MAP2: variants seen among roughly 807,000 people sequenced by gnomAD.
MAP2 encodes the protein microtubule associated protein 2.
Under a neutral mutation model 137.6 loss-of-function variants are expected in MAP2, and 14 were observed. That is an observed-to-expected ratio of 0.10 (90% CI 0.07 to 0.16). MAP2 has a LOEUF of 0.16. Among genes scored for constraint, MAP2 ranks in the 10% least tolerant of loss-of-function variants. MAP2 has a pLI of 1.00. For synonymous variants in MAP2, 786 were observed against 782.3 expected (o/e 1.00, Z -0.08); for missense variants, 2,088 against 2,191.5 (o/e 0.95, Z 0.94).
intron 1 of MAP2, among the ~76,000 whole-genome samples, chr2:209,480,283 A>C (rs572833920): frequency 6.6e-6 from 1 of 152,122 alleles, no homozygotes; most frequent in Non-Finnish European, 1.5e-5. Flanking sequence ...TTAGTACTAT[A>C]CCCTTTAGCT....
chr2:209,631,553 C>T (rs749331977), intron 4 of MAP2, among the ~76,000 whole-genome samples: 44 of 151,712 alleles, frequency 2.9e-4, no homozygotes, highest in Non-Finnish European at 5.1e-4. Flanking sequence ...CCTTTTGTCC[C>T]TCAGGCTTCT....
chr2:209,610,815 C>T (rs1164647991), intron 3 of MAP2, among the ~76,000 whole-genome samples: 1 of 152,092 alleles, frequency 6.6e-6, no homozygotes, highest in East Asian at 1.9e-4. Context: ...CTCTAAATTC[C>T]AATTAGCTAA....
chr2:209,429,195 C>T (rs1028799021), intron 1 of MAP2, among the ~76,000 whole-genome samples: 7 of 152,066 alleles, frequency 4.6e-5, no homozygotes, highest in South Asian at 4.1e-4. Flanking sequence ...CCTCGTGATC[C>T]GCCCGCCTCA....
intron 2 of MAP2, among the ~76,000 whole-genome samples, chr2:209,542,288 G>T (rs1051837111): frequency 4.6e-5 from 7 of 152,200 alleles, no homozygotes; most frequent in African/African-American, 1.7e-4. Context: ...AAACAATCCT[G>T]TAAACAGATA....
At chr2:209,668,947 A>T (rs2047533904) in intron 5 of MAP2, among the ~76,000 whole-genome samples, 1 of 152,092 alleles carries the variant, frequency 6.6e-6, no homozygotes, top group South Asian at 2.1e-4. Context: ...AAACATGATT[A>T]TCTGATTATA....
intron 3 of MAP2, among the ~76,000 whole-genome samples, chr2:209,596,512 C>A (rs1308998825): frequency 1.3e-5 from 2 of 152,158 alleles, no homozygotes; most frequent in Non-Finnish European, 2.9e-5. Context: ...ACATGACATA[C>A]TTTAAATTCA....
intron 1 of MAP2, among the ~76,000 whole-genome samples, chr2:209,477,838 A>G (rs1231318654): frequency 2.0e-5 from 3 of 150,332 alleles, no homozygotes; most frequent in Admixed American, 6.6e-5. Context: ...TCTATACAAA[A>G]TATTAAAAAA....
At chr2:209,602,724 G>A (rs1383234754) in intron 3 of MAP2, among the ~76,000 whole-genome samples, 1 of 152,180 alleles carries the variant, frequency 6.6e-6, no homozygotes, top group South Asian at 2.1e-4. Context: ...AACGCTAGCG[G>A]ATTCTGAGCA....
intron 2 of MAP2, among the ~76,000 whole-genome samples, chr2:209,530,236 C>T (rs1485722442): frequency 6.6e-6 from 1 of 152,098 alleles, no homozygotes; most frequent in Admixed American, 6.6e-5. Context: ...CCTTTACACA[C>T]ATTTCTGACT....
chr2:209,500,629 T>A (rs2060259946), intron 1 of MAP2, among the ~76,000 whole-genome samples: 1 of 152,164 alleles, frequency 6.6e-6, no homozygotes, highest in Non-Finnish European at 1.5e-5. Flanking sequence ...GTCTTTTGGC[T>A]TTTTCACAAC....
At chr2:209,601,136 G>A (rs1025068946) in intron 3 of MAP2, among the ~76,000 whole-genome samples, 3 of 152,166 alleles carry the variant, frequency 2.0e-5, no homozygotes, top group African/African-American at 7.2e-5. Flanking sequence ...ACTTAGTCAA[G>A]TGCTAGGCAC....
intron 1 of MAP2, among the ~76,000 whole-genome samples, chr2:209,486,324 T>C (rs1205812917): frequency 6.6e-6 from 1 of 152,018 alleles, no homozygotes; most frequent in Non-Finnish European, 1.5e-5. Context: ...GCCTCCCAGA[T>C]TCAAGTGATT....
At chr2:209,633,964 A>T (rs988623448) in intron 4 of MAP2, among the ~76,000 whole-genome samples, 1 of 152,168 alleles carries the variant, frequency 6.6e-6, no homozygotes, top group African/African-American at 2.4e-5. Context: ...AAGCTGTCCT[A>T]AGATTCCCTG....
At chr2:209,485,342 A>G (rs2058246577) in intron 1 of MAP2, among the ~76,000 whole-genome samples, 1 of 152,228 alleles carries the variant, frequency 6.6e-6, no homozygotes, top group Non-Finnish European at 1.5e-5. Context: ...GAGTTAATCA[A>G]TTCATTAGAG....
chr2:209,436,694 G>T (rs1696394879), intron 1 of MAP2, among the ~76,000 whole-genome samples: 1 of 151,706 alleles, frequency 6.6e-6, no homozygotes, highest in African/African-American at 2.4e-5. Flanking sequence ...GAGCATGTTA[G>T]ATACTGGAGA....
At chr2:209,690,617 G>A (rs1373486756) in intron 7 of MAP2, 1 of 1,286,790 alleles carries the variant, frequency 7.8e-7, no homozygotes, top group Non-Finnish European at 1.0e-6. Flanking sequence ...AGAAACGCTA[G>A]AGAGTCGGAT....
At chr2:209,700,993 AT>A (rs1428801575) in intron 11 of MAP2, among the ~76,000 whole-genome samples, 1 of 152,068 alleles carries the variant, frequency 6.6e-6, no homozygotes, top group East Asian at 1.9e-4. Flanking sequence ...ATTTCCTATT[AT>A]TTGACTTTTA....
intron 5 of MAP2, among the ~76,000 whole-genome samples, chr2:209,672,320 A>G (rs1400027416): frequency 2.0e-5 from 3 of 151,880 alleles, no homozygotes; most frequent in Non-Finnish European, 2.9e-5. Flanking sequence ...ATGACAGAAT[A>G]ATCTCAGTGT....
At chr2:209,724,227 A>G (rs146145759) in intron 13 of MAP2, among the ~76,000 whole-genome samples, 3 of 152,200 alleles carry the variant, frequency 2.0e-5, no homozygotes, top group Non-Finnish European at 2.9e-5. Context: ...AAAGGATTCA[A>G]GTCCAGTGTA....
Sources: allele counts gnomAD v4.1 joint callset (sites outside exome capture counted in the v4.1 genomes callset), GRCh38; gene constraint gnomAD v4.1.1; transcripts MANE v1.5; gene names NCBI Gene and HGNC (gene_info 2026-07-23, HGNC 2026-07-21).